FUS: variants seen among roughly 807,000 people sequenced by gnomAD.
FUS encodes the protein RNA-binding protein FUS.
FUS carries 5 observed loss-of-function variants against 82.7 expected under a neutral mutation model. That is an observed-to-expected ratio of 0.06 (90% CI 0.03 to 0.13). The LOEUF is 0.13. Ranked by LOEUF, FUS falls within the 10% of genes least tolerant of loss-of-function variation. The pLI is 1.00. For synonymous variants in FUS, 281 were observed against 247.4 expected (o/e 1.14, Z -1.27); for missense variants, 512 against 707.8 (o/e 0.72, Z 3.14).
At chr16:31,180,693 C>A (rs541694819) in intron 1 of FUS, among the ~76,000 whole-genome samples, 1 of 152,280 alleles carries the variant, frequency 6.6e-6, no homozygotes, top group South Asian at 2.1e-4. Context: ...TGTCGCGAGA[C>A]CCTTCGCGGA....
rs1197744273 is a variant in FUS at position 31,190,061 on chromosome 16, C to T, written c.1088C>T (p.Pro363Leu). ...WFDGKEFSGN[P>L]IKVSFATRRA... ...CTAGGTAAAGAATTCTCCGGAAATC[C>T]TATCAAGGTCTCATTTGCTACTCGC... The change falls in exon 11 of 15, where the codon CCT becomes CTT. Residue 363 changes from proline (P) to leucine (L), a missense_variant. This residue lies in a region of FUS where 26 missense variants were observed against 109.3 expected (regional missense o/e 0.24). Transcript: ENST00000254108. 3 of 1,613,440 alleles carry T rather than the reference C, an allele frequency of 1.9e-6. No homozygotes were observed. The highest frequency in any genetic ancestry group is 2.7e-5 in the African/African-American group (2 of 74,884).
chr16:31,185,544 G>A (rs1567473057), intron 6 of FUS: 1 of 555,260 alleles, frequency 1.8e-6, no homozygotes. Flanking sequence ...CTGGGAAATA[G>A]TAGGGAAACT....
intron 6 of FUS, 60 bp downstream of exon 6, chr16:31,185,239 C>T: frequency 6.5e-7 from 1 of 1,528,104 alleles, no homozygotes; most frequent in Non-Finnish European, 8.8e-7. Context: ...TTGCATGAAT[C>T]TCCCTGAAGC....
downstream of FUS, chr16:31,194,317 GTC>G (rs1386682741): frequency 1.9e-6 from 1 of 520,322 alleles, no homozygotes; most frequent in East Asian, 4.0e-5. Context: ...TTTTGAGACG[GTC>G]TCACTCTCAC....
At chr16:31,181,681 C>G (rs754473909) in intron 1 of FUS, among the ~76,000 whole-genome samples, 1 of 152,154 alleles carries the variant, frequency 6.6e-6, no homozygotes, top group Non-Finnish European at 1.5e-5. Flanking sequence ...GAATTCAAAC[C>G]TGTGCCACTT....
At chr16:31,188,791 G>C in intron 8 of FUS, 1 of 468,012 alleles carries the variant, frequency 2.1e-6, no homozygotes, top group East Asian at 3.8e-5. Flanking sequence ...TGTAAAATGG[G>C]TTTCTTATTT....
At chr16:31,192,169 C>T (rs145145929), downstream of FUS, 5 of 528,812 alleles carry the variant, frequency 9.5e-6, no homozygotes, top group East Asian at 1.6e-4. Context: ...ACTGGTCTGG[C>T]TGGGTTACTT....
chr16:31,180,307 G>T, intron 1 of FUS, 80 bp downstream of exon 1: 1 of 1,530,886 alleles, frequency 6.5e-7, no homozygotes, highest in East Asian at 2.4e-5. Context: ...CAGTGGGACC[G>T]GGGCGGCGAT....
At chr16:31,194,623 AT>A, downstream of FUS, 1 of 490,998 alleles carries the variant, frequency 2.0e-6, no homozygotes, top group South Asian at 1.5e-5. Context: ...TTTATTTTTA[AT>A]TAACTTGTAT....
At chr16:31,193,239 T>G (rs1308255747), downstream of FUS, 1 of 502,252 alleles carries the variant, frequency 2.0e-6, no homozygotes, top group East Asian at 4.5e-5. Context: ...GCAGGTTTAC[T>G]TCCCCTGCCA....
In FUS at chr16:31,189,845, G is replaced by A. The variant is rs369794114; in HGVS notation, c.1066+51G>A. ...TGGGGCTGGGGATATAGGGCAGCAA[G>A]CCTTAGGAAACAAGCCATAGTTTGA... On this transcript the variant is annotated intron_variant, in intron 10 of 14. Transcript: ENST00000254108. 159 of 1,612,788 alleles carry A rather than the reference G, an allele frequency of 9.9e-5. 1 individual carries two copies. The African/African-American group carries it at 1.8e-3, about 18-fold the overall frequency.
intron 1 of FUS, among the ~76,000 whole-genome samples, chr16:31,181,927 G>A (rs190051164): frequency 3.3e-4 from 51 of 152,254 alleles, no homozygotes; most frequent in Non-Finnish European, 8.8e-5. Flanking sequence ...ACACTTGGCT[G>A]ATAACGCCAG....
intron 6 of FUS, 41 bp from the exon 7 acceptor site, chr16:31,186,761 T>G (rs1219877042): frequency 6.2e-7 from 1 of 1,606,408 alleles, no homozygotes; most frequent in Admixed American, 1.7e-5. Context: ...TTTGTAGCCG[T>G]TGGAAGCTTC....
At chr16:31,192,427 C>T (rs114772555), downstream of FUS, 3,237 of 522,432 alleles carry the variant, frequency 6.2e-3, 101 homozygotes, top group African/African-American at 0.056. Context: ...TTACACAGAG[C>T]GTAACATTAA....
chr16:31,189,295 A>G, intron 9 of FUS, 69 bp downstream of exon 9: 1 of 1,170,462 alleles, frequency 8.5e-7, no homozygotes, highest in South Asian at 1.2e-5. Flanking sequence ...CATTAGTAAA[A>G]GCAAGTCTTT....
chr16:31,180,814 C>T (rs1371639571), intron 1 of FUS, among the ~76,000 whole-genome samples: 5 of 152,154 alleles, frequency 3.3e-5, no homozygotes, highest in African/African-American at 1.2e-4. Flanking sequence ...GGCGGAGGCT[C>T]GGGATCGGGG....
chr16:31,181,374 A>G (rs1176498258), intron 1 of FUS, among the ~76,000 whole-genome samples: 2 of 152,110 alleles, frequency 1.3e-5, no homozygotes, highest in African/African-American at 2.4e-5. Context: ...GGGCTTTTCA[A>G]AAGCGCTTTT....
At chr16:31,186,474 C>G in intron 6 of FUS, 1 of 456,340 alleles carries the variant, frequency 2.2e-6, no homozygotes, top group Non-Finnish European at 4.0e-6. Context: ...ACTTGGTTGT[C>G]AACCACTTGC....
In FUS at chr16:31,185,153, T is replaced by TGGCCGTGGAGGC. The variant is rs746480508; in HGVS notation, c.739_750dup (p.Gly247_Gly250dup). On this transcript the variant is annotated inframe_insertion, in exon 6 of 15. Coordinates refer to ENST00000254108, the MANE Select transcript of FUS (RefSeq NM_004960.4). ...GCTATGAACCCAGAGGTCGTGGAGG[T>TGGCCGTGGAGGC]GGCCGTGGAGGCAGAGGTGGCATGG... The TGGCCGTGGAGGC allele has an allele frequency of 3.1e-6, 5 of 1,610,000 alleles. No homozygotes were observed. Among genetic ancestry groups the TGGCCGTGGAGGC allele is most frequent in the Non-Finnish European group, 4.2e-6 (5 of 1,178,088 alleles).
Sources: gnomAD v4.1 joint callset for allele counts (sites outside exome capture counted in the v4.1 genomes callset) on GRCh38, gnomAD v4.1.1 for gene constraint, gnomAD v4.1.1 regional missense constraint, MANE v1.5 for transcripts, NCBI Gene and HGNC (gene_info 2026-07-23, HGNC 2026-07-21) for gene names.